The following RAPGEF6 variants were observed in gnomAD, a reference collection of about 807,000 sequenced individuals.
The protein encoded by RAPGEF6 is Rap guanine nucleotide exchange factor 6.
In RAPGEF6, 56 loss-of-function variants were observed where a neutral mutation model predicts 171.4. That is an observed-to-expected ratio of 0.33 (90% CI 0.26 to 0.41). RAPGEF6 has a LOEUF of 0.41. RAPGEF6 is among the 10% of genes least tolerant of loss of function. The pLI, the probability that RAPGEF6 is intolerant of heterozygous loss-of-function variation, is 1.00. For synonymous variants in RAPGEF6, 692 were observed against 650.1 expected, an observed-to-expected ratio of 1.06 and a Z score of -0.98; for missense variants, 1,674 against 1,921.4, an observed-to-expected ratio of 0.87 and a Z score of 2.41.
chr5:131,437,431 C>T (rs1752082240), intron 24 of RAPGEF6, among the ~76,000 whole-genome samples: 1 of 152,158 alleles, frequency 6.6e-6, no homozygotes, highest in Non-Finnish European at 1.5e-5. Context: ...CACTGAGCAG[C>T]CTCTAACAGG....
chr5:131,485,296 G>T (rs960007058), intron 15 of RAPGEF6, among the ~76,000 whole-genome samples: 2 of 152,192 alleles, frequency 1.3e-5, no homozygotes, highest in African/African-American at 2.4e-5. Context: ...TTCCAGGATA[G>T]GAAGAGAGTA....
Position 131,461,872 on chromosome 5 carries a change from A to C in RAPGEF6, c.2697T>G (p.His899Gln). The C allele has an allele frequency of 6.2e-7, 1 of 1,614,112 alleles. No individual in the cohort carries two copies. Among genetic ancestry groups the C allele is most frequent in the East Asian group, 2.2e-5 (1 of 44,880 alleles). ...FKLNSKTGNTHLKRFEDIVNQ... is the reference protein window; with the variant it reads ...FKLNSKTGNTQLKRFEDIVNQ... ...TTACAATGTCCTCAAACCTCTTCAA[A>C]TGAGTATTTCCTGTTTTGGAATTTA... Residue 899 changes from histidine to glutamine, a missense_variant, in exon 19 of 28, where the codon CAT (histidine) becomes CAG (glutamine). Transcript: ENST00000509018.
chr5:131,584,353 G>A (rs1450998241), intron 4 of RAPGEF6, among the ~76,000 whole-genome samples: 1 of 152,224 alleles, frequency 6.6e-6, no homozygotes, highest in Non-Finnish European at 1.5e-5. Context: ...AATTATGACA[G>A]TGAAAGAGAT....
Position 131,495,942 on chromosome 5 carries a change from C to T in RAPGEF6, c.1420-282G>A, listed in dbSNP as rs148715629. Among the ~76,000 whole-genome samples, 588 of 152,260 alleles carry T rather than the reference C, an allele frequency of 3.9e-3. 6 individuals are homozygous for T. The highest frequency in any genetic ancestry group is 0.014 in the African/African-American group (578 of 41,544). On this transcript the variant is annotated intron_variant, in intron 12 of 27. Transcript: ENST00000509018. ...ACAGAATGTCTATTTCAGGTAGCAC[C>T]TTAAAATGCAAACTTCATGTCATAA...
chr5:131,584,493 TGAAA>T (rs1051277261), intron 4 of RAPGEF6, among the ~76,000 whole-genome samples: 1 of 152,208 alleles, frequency 6.6e-6, no homozygotes, highest in African/African-American at 2.4e-5. Flanking sequence ...GTAAAGCTAA[TGAAA>T]GAAAGACCAC....
intron 26 of RAPGEF6, among the ~76,000 whole-genome samples, chr5:131,429,908 G>A (rs1168507571): frequency 2.0e-5 from 3 of 151,946 alleles, no homozygotes. Context: ...AAATTAGCTG[G>A]GCATGGTGGC....
At chr5:131,590,884 T>C (rs917401949) in intron 4 of RAPGEF6, among the ~76,000 whole-genome samples, 7 of 152,102 alleles carry the variant, frequency 4.6e-5, no homozygotes, top group Non-Finnish European at 8.8e-5. Context: ...AATATAACCA[T>C]AGGCAATATC....
At chr5:131,529,798 C>T (rs1333018349) in intron 6 of RAPGEF6, among the ~76,000 whole-genome samples, 1 of 150,588 alleles carries the variant, frequency 6.6e-6, no homozygotes, top group Non-Finnish European at 1.5e-5. Context: ...GTGGTCCCAG[C>T]TGTGTGGGAG....
chr5:131,473,412 A>C (rs939738486), intron 16 of RAPGEF6, among the ~76,000 whole-genome samples: 2 of 152,234 alleles, frequency 1.3e-5, no homozygotes, highest in Non-Finnish European at 2.9e-5. Context: ...GACATAGGCA[A>C]CTTCTAAATC....
chr5:131,525,390 T>C (rs1373949054), intron 6 of RAPGEF6, among the ~76,000 whole-genome samples: 5 of 152,010 alleles, frequency 3.3e-5, no homozygotes, highest in African/African-American at 1.2e-4. Flanking sequence ...TGTTAGAAAA[T>C]TGTAAACAAT....
intron 1 of RAPGEF6, among the ~76,000 whole-genome samples, chr5:131,620,582 CTTT>C (rs367997318): frequency 1.3e-5 from 2 of 149,112 alleles, no homozygotes; most frequent in African/African-American, 4.9e-5. Context: ...AAAATCCATT[CTTT>C]TTTTTTTCTT....
At chr5:131,533,024 A>C (rs1167261241) in intron 6 of RAPGEF6, 1 of 152,604 alleles carries the variant, frequency 6.6e-6, no homozygotes, top group Non-Finnish European at 1.5e-5. Flanking sequence ...AGTAAGATGA[A>C]ATATCTAATA....
chr5:131,588,674 C>T (rs1439397087), intron 4 of RAPGEF6, among the ~76,000 whole-genome samples: 1 of 152,024 alleles, frequency 6.6e-6, no homozygotes. Context: ...ACCTGGGAGG[C>T]AGAGGTTGAG....
rs1462062359 is a variant in RAPGEF6 at position 131,561,975 on chromosome 5, T to A, written c.351+3A>T. On this transcript the variant is annotated splice_donor_region_variant and intron_variant, in intron 5 of 27. Transcript: ENST00000509018. ...ACAATTCAGCATTCTTTAAAGTTCT[T>A]ACCACAATCATTTCTGAAGGCTCTA... is the stretch of plus-strand genomic sequence containing the variant. 3 of 1,586,978 alleles carry A rather than the reference T, an allele frequency of 1.9e-6. No individual in the cohort carries two copies. Among genetic ancestry groups the A allele is most frequent in the Non-Finnish European group, 1.7e-6 (2 of 1,161,836 alleles).
At chr5:131,551,155 G>C (rs1561555689) in intron 5 of RAPGEF6, among the ~76,000 whole-genome samples, 2 of 152,234 alleles carry the variant, frequency 1.3e-5, no homozygotes, top group East Asian at 3.9e-4. Context: ...CTCATTTAAG[G>C]TTCACAATAA....
rs767684545 is a variant in RAPGEF6, at chr5:131,505,375, C to G, written c.1090G>C (p.Asp364His). The G allele has an allele frequency of 5.0e-6, 8 of 1,613,464 alleles. No individual in the cohort carries two copies. Among genetic ancestry groups the G allele is most frequent in the Non-Finnish European group, 6.8e-6 (8 of 1,179,668 alleles). ...YMHGIVRTKV[D>H]DCQFVCIAQQ... ...AGAGATAATCTTACCTGACAATCAT[C>G]TACTTTAGTCCTGACAATTCCATGC... The change falls in exon 10 of 28, where the codon GAT becomes CAT. Residue 364 changes from aspartate to histidine, a missense_variant. Physicochemically the swap from Asp to His is moderately conservative, Grantham distance 81 (BLOSUM62 -1). Coordinates refer to ENST00000509018, the MANE Select transcript of RAPGEF6 (RefSeq NM_016340.6).
At chr5:131,522,558 T>TA (rs1041151351) in intron 6 of RAPGEF6, among the ~76,000 whole-genome samples, 9 of 152,184 alleles carry the variant, frequency 5.9e-5, no homozygotes, top group African/African-American at 2.2e-4. Flanking sequence ...TTATAAAAAT[T>TA]ACACATAAAG....
chr5:131,518,175 T>C (rs1758222776), intron 7 of RAPGEF6, among the ~76,000 whole-genome samples: 1 of 151,908 alleles, frequency 6.6e-6, no homozygotes, highest in Non-Finnish European at 1.5e-5. Context: ...TTTAACGAAA[T>C]ATAAATAAAA....
chr5:131,580,810 C>G (rs1022600220), intron 4 of RAPGEF6, among the ~76,000 whole-genome samples: 3 of 152,160 alleles, frequency 2.0e-5, no homozygotes, highest in African/African-American at 7.2e-5. Context: ...AAGGTCTCTT[C>G]TTTTTATGTG....
Sources: allele counts gnomAD v4.1 joint callset (sites outside exome capture counted in the v4.1 genomes callset), GRCh38; gene constraint gnomAD v4.1.1; transcripts MANE v1.5; gene names NCBI Gene and HGNC (gene_info 2026-07-23, HGNC 2026-07-21).